Variants in TDRD3 observed in about 807,000 individuals in gnomAD.
TDRD3 encodes the protein tudor domain containing 3, also known as tudor domain-containing protein 3.
Under a neutral mutation model 86.7 loss-of-function variants are expected in TDRD3, and 45 were observed. The observed-to-expected ratio is 0.52, with a 90% CI of 0.41 to 0.67. The LOEUF (loss-of-function observed/expected upper bound fraction) is 0.67. Among genes scored for constraint, TDRD3 ranks in the 30% least tolerant of loss-of-function variants. The pLI, the probability that TDRD3 is intolerant of heterozygous loss-of-function variation, is 0.00. For missense variants in TDRD3, 814 were observed against 889.0 expected, an observed-to-expected ratio of 0.92 and a Z score of 1.07; for synonymous variants, 298 against 301.7, an observed-to-expected ratio of 0.99 and a Z score of 0.13.
chr13:60,439,841 T>C (rs1955213564), intron 2 of TDRD3, 69 bp downstream of exon 2: 1 of 1,064,838 alleles, frequency 9.4e-7, no homozygotes, highest in Non-Finnish European at 1.3e-6. Flanking sequence ...AGTCTCAGAG[T>C]AAATTGGGTT....
chr13:60,547,269 G>T, intron 12 of TDRD3: 1 of 985,396 alleles, frequency 1.0e-6, no homozygotes, highest in Non-Finnish European at 1.2e-6. Flanking sequence ...CAGACACTGT[G>T]CTTTATCCTG....
At chr13:60,553,394 C>T (rs73208094) in intron 12 of TDRD3, among the ~76,000 whole-genome samples, 8,883 of 152,186 alleles carry the variant, frequency 0.058, 352 homozygotes, top group South Asian at 0.11. Context: ...GCCCTCCAAA[C>T]TGTTGTATCC....
chr13:60,459,355 A>G (rs1039182351), intron 3 of TDRD3, among the ~76,000 whole-genome samples: 4 of 152,226 alleles, frequency 2.6e-5, no homozygotes, highest in Admixed American at 2.6e-4. Flanking sequence ...TACTTTTCAG[A>G]CACGTAAGCA....
rs189637538 is a variant in TDRD3, at chr13:60,440,058, G to A, written c.126+286G>A. ...CTTTTTTAACATTTACAATAGCTAC[G>A]TAATAGTAGTAAAAACTGACTATTC... On this transcript the variant is annotated intron_variant, in intron 2 of 13. Coordinates refer to ENST00000377881, the MANE Select transcript of TDRD3 (RefSeq NM_001146070.2). Among the ~76,000 whole-genome samples the A allele has an allele frequency of 1.2e-4, 18 of 151,988 alleles. No homozygotes were observed. In the East Asian group the frequency reaches 1.5e-3, roughly 13 times the overall value.
intron 12 of TDRD3, among the ~76,000 whole-genome samples, chr13:60,559,661 T>C (rs1958286631): frequency 6.6e-6 from 1 of 152,126 alleles, no homozygotes; most frequent in Non-Finnish European, 1.5e-5. Flanking sequence ...CACTACATGA[T>C]CTTACTTATA....
At chr13:60,514,110 G>C (rs1014049376) in intron 10 of TDRD3, among the ~76,000 whole-genome samples, 1 of 152,184 alleles carries the variant, frequency 6.6e-6, no homozygotes, top group Non-Finnish European at 1.5e-5. Context: ...ATGAAATCCA[G>C]GCTGAGGTGG....
intron 10 of TDRD3, among the ~76,000 whole-genome samples, chr13:60,525,166 CTTTTTTTTTTTT>C (rs71199006): frequency 1.8e-5 from 1 of 56,094 alleles, no homozygotes; most frequent in Non-Finnish European, 3.2e-5. Flanking sequence ...TAAGGGAATT[CTTTTTTTTTTTT>C]TTTTTTTTTT....
intron 10 of TDRD3, 43 bp downstream of exon 10, chr13:60,510,798 C>CTT: frequency 1.5e-6 from 2 of 1,303,040 alleles, no homozygotes; most frequent in South Asian, 2.0e-5. Context: ...TCTTTCTTTT[C>CTT]TTTCTTTTTT....
chr13:60,454,421 C>G (rs1045788252), intron 3 of TDRD3, among the ~76,000 whole-genome samples: 3 of 151,954 alleles, frequency 2.0e-5, no homozygotes, highest in Non-Finnish European at 4.4e-5. Context: ...TCTCAATCTT[C>G]GTAGCTTGTT....
chr13:60,473,051 G>A (rs1387253853), intron 5 of TDRD3, among the ~76,000 whole-genome samples: 1 of 152,150 alleles, frequency 6.6e-6, no homozygotes, highest in East Asian at 1.9e-4. Context: ...CACAGACTGG[G>A]TAATTTATGA....
At chr13:60,398,515 G>C (rs2137781337) in intron 1 of TDRD3, among the ~76,000 whole-genome samples, 1 of 152,306 alleles carries the variant, frequency 6.6e-6, no homozygotes, top group African/African-American at 2.4e-5. Context: ...GAAAGATGTG[G>C]ATTTGATTTT....
At chr13:60,423,044 G>A (rs1398270130) in intron 1 of TDRD3, among the ~76,000 whole-genome samples, 3 of 152,032 alleles carry the variant, frequency 2.0e-5, no homozygotes, top group Non-Finnish European at 4.4e-5. Context: ...AAATCCTTAG[G>A]ACCGACATGA....
chr13:60,552,126 T>C (rs1245766035), intron 12 of TDRD3, among the ~76,000 whole-genome samples: 1 of 152,164 alleles, frequency 6.6e-6, no homozygotes, highest in Non-Finnish European at 1.5e-5. Context: ...GTTCCAGCAT[T>C]AACTTAAAAT....
At chr13:60,509,551 T>C (rs1195378441) in intron 8 of TDRD3, 2 of 554,618 alleles carry the variant, frequency 3.6e-6, no homozygotes, top group African/African-American at 1.9e-5. Flanking sequence ...GTGTTACTTG[T>C]GAGGTCAGAG....
At chr13:60,516,274 T>C (rs1364567467) in intron 10 of TDRD3, among the ~76,000 whole-genome samples, 2 of 152,226 alleles carry the variant, frequency 1.3e-5, no homozygotes, top group Non-Finnish European at 2.9e-5. Context: ...TTATGTCATA[T>C]CAGATTCTGG....
chr13:60,517,271 G>T (rs1324712279), intron 10 of TDRD3, among the ~76,000 whole-genome samples: 1 of 151,824 alleles, frequency 6.6e-6, no homozygotes, highest in Non-Finnish European at 1.5e-5. Flanking sequence ...GAAGAATAGG[G>T]ACCTCACAAA....
At chr13:60,422,472 T>C (rs899436118) in intron 1 of TDRD3, among the ~76,000 whole-genome samples, 6 of 150,996 alleles carry the variant, frequency 4.0e-5, no homozygotes, top group Non-Finnish European at 8.8e-5. Flanking sequence ...CCGTGAACTA[T>C]AACTCTAAGT....
intron 3 of TDRD3, among the ~76,000 whole-genome samples, chr13:60,446,588 A>G (rs963979978): frequency 6.6e-6 from 1 of 152,172 alleles, no homozygotes; most frequent in African/African-American, 2.4e-5. Context: ...AGAATTAATA[A>G]TTGTCTTCAC....
intron 12 of TDRD3, among the ~76,000 whole-genome samples, chr13:60,552,004 G>A (rs918700477): frequency 6.6e-6 from 1 of 152,086 alleles, no homozygotes; most frequent in African/African-American, 2.4e-5. Context: ...GATTTGAGTG[G>A]GGACACAGAG....
Sources: allele counts gnomAD v4.1 joint callset (sites outside exome capture counted in the v4.1 genomes callset), GRCh38; gene constraint gnomAD v4.1.1; transcripts MANE v1.5; gene names NCBI Gene and HGNC (gene_info 2026-07-23, HGNC 2026-07-21).